CHLSN: variants seen among roughly 807,000 people sequenced by gnomAD.
The protein encoded by CHLSN is protein cholesin.
the CHLSN span, among the ~76,000 whole-genome samples, chr7:1,095,836 C>T: frequency 6.6e-6 from 1 of 152,264 alleles, no homozygotes; most frequent in Non-Finnish European, 1.5e-5. Context: ...CTGGCAAAAG[C>T]ACGCCATGCA....
chr7:1,023,093 C>T, the CHLSN span: 7 of 415,618 alleles, frequency 1.7e-5, no homozygotes, highest in African/African-American at 8.3e-5. The surrounding 1 kb of genome is among the most constrained non-coding windows in gnomAD (Gnocchi z 5.0). Flanking sequence ...GCCATGGTGC[C>T]GTGGCAATGG....
the CHLSN span, among the ~76,000 whole-genome samples, chr7:1,014,128 G>T: frequency 3.3e-5 from 5 of 152,280 alleles, no homozygotes; most frequent in South Asian, 1.0e-3. Context: ...CTTACCATCA[G>T]GCAATGAAAA....
chr7:1,039,741 G>C, the CHLSN span, among the ~76,000 whole-genome samples: 1 of 65,506 alleles, frequency 1.5e-5, no homozygotes, highest in Non-Finnish European at 2.8e-5. Context: ...GGCAGGAAAG[G>C]TGGGGAAAAG....
chr7:1,016,607 A>G, the CHLSN span, among the ~76,000 whole-genome samples: 118 of 112,470 alleles, frequency 1.0e-3, 1 homozygote, highest in African/African-American at 4.8e-3. Context: ...AGCAGCGTAC[A>G]GCAGCGCACG....
the CHLSN span, among the ~76,000 whole-genome samples, chr7:1,078,444 T>C: frequency 2.0e-5 from 3 of 152,102 alleles, no homozygotes; most frequent in African/African-American, 4.8e-5. Flanking sequence ...CCGTGAGACC[T>C]GGGGTTAAAT....
chr7:1,065,056 C>T, the CHLSN span, among the ~76,000 whole-genome samples: 1 of 152,088 alleles, frequency 6.6e-6, no homozygotes, highest in Admixed American at 6.5e-5. Flanking sequence ...AAGATTCTTC[C>T]CAGCACCAGT....
chr7:994,597 C>T, the CHLSN span, among the ~76,000 whole-genome samples: 1 of 152,166 alleles, frequency 6.6e-6, no homozygotes, highest in Non-Finnish European at 1.5e-5. Context: ...ACACATGCCA[C>T]CATCCCCGGA....
At chr7:1,008,611 G>T in the CHLSN span, among the ~76,000 whole-genome samples, 4 of 152,166 alleles carry the variant, frequency 2.6e-5, no homozygotes, top group Non-Finnish European at 4.4e-5. Flanking sequence ...GGCAGCCTCA[G>T]CTCCGAGAAA....
chr7:1,122,058 G>C, the CHLSN span, among the ~76,000 whole-genome samples: 1 of 152,248 alleles, frequency 6.6e-6, no homozygotes, highest in African/African-American at 2.4e-5. Flanking sequence ...CTCGCAGCCA[G>C]CCACAGGAAG....
At chr7:994,412 G>A in the CHLSN span, among the ~76,000 whole-genome samples, 1 of 150,924 alleles carries the variant, frequency 6.6e-6, no homozygotes, top group African/African-American at 2.4e-5. Flanking sequence ...GCCCACCTTG[G>A]CCCCCCCCAA....
At chr7:1,016,812 C>G in the CHLSN span, among the ~76,000 whole-genome samples, 173 of 63,436 alleles carry the variant, frequency 2.7e-3, 5 homozygotes, top group Middle Eastern at 9.6e-3. Context: ...GCAGCACACA[C>G]CAGCGCACAG....
chr7:1,036,280 C>T, the CHLSN span, among the ~76,000 whole-genome samples: 9 of 152,082 alleles, frequency 5.9e-5, no homozygotes, highest in African/African-American at 9.7e-5. Flanking sequence ...TGTGCTGTGG[C>T]CATGTAGGGT....
At chr7:1,009,477 C>G in the CHLSN span, among the ~76,000 whole-genome samples, 2 of 152,086 alleles carry the variant, frequency 1.3e-5, no homozygotes, top group Admixed American at 6.5e-5. Context: ...CACCATCCAC[C>G]CAGCCACGCC....
the CHLSN span, among the ~76,000 whole-genome samples, chr7:1,127,551 C>T: frequency 6.6e-6 from 1 of 150,726 alleles, no homozygotes; most frequent in Non-Finnish European, 1.5e-5. Context: ...CATTTCATAA[C>T]CTATGGACAA....
the CHLSN span, among the ~76,000 whole-genome samples, chr7:985,772 T>C: frequency 6.6e-6 from 1 of 152,208 alleles, no homozygotes; most frequent in African/African-American, 2.4e-5. Flanking sequence ...AAAGATCCCC[T>C]CTTTTTGGTC....
At chr7:1,052,601 GAAGCTGGTGGTC>G in the CHLSN span, among the ~76,000 whole-genome samples, 377 of 152,300 alleles carry the variant, frequency 2.5e-3, 2 homozygotes, top group African/African-American at 8.3e-3. This position sits in a 1 kb window ranked among gnomAD's most constrained non-coding sequence, Gnocchi z 4.2. Flanking sequence ...AACTGGGGGA[GAAGCTGGTGGTC>G]AAGCTGGTGG....
the CHLSN span, among the ~76,000 whole-genome samples, chr7:1,112,470 C>T: frequency 2.0e-5 from 3 of 152,190 alleles, no homozygotes; most frequent in Non-Finnish European, 4.4e-5. Flanking sequence ...AAAGAGACCA[C>T]AGGAGTGCCC....
the CHLSN span, among the ~76,000 whole-genome samples, chr7:1,116,258 C>T: frequency 7.2e-5 from 10 of 139,378 alleles, 1 homozygote; most frequent in South Asian, 2.4e-4. Context: ...TACAGCTCTA[C>T]GGACCGGCTT....
chr7:1,002,173 A>C, the CHLSN span, among the ~76,000 whole-genome samples: 32 of 23,106 alleles, frequency 1.4e-3, no homozygotes, highest in South Asian at 3.5e-3. Context: ...GGAGTCCTGC[A>C]GGTGGGGAGT....
Sources: gnomAD v4.1 joint callset for allele counts (sites outside exome capture counted in the v4.1 genomes callset) on GRCh38, gnomAD v4.1.1 for gene constraint, Gnocchi (gnomAD v3.1) non-coding constraint, MANE v1.5 for transcripts, NCBI Gene and HGNC (gene_info 2026-07-23, HGNC 2026-07-21) for gene names.